The following KCNIP4 variants were observed in gnomAD, a reference collection of about 807,000 sequenced individuals.
KCNIP4 encodes the protein Kv channel-interacting protein 4.
A neutral mutation model predicts 34.0 loss-of-function variants in KCNIP4; 12 were observed. The ratio of observed to expected loss-of-function variants is 0.35; its 90% CI spans 0.23 to 0.57. The LOEUF is 0.57. Ranked by LOEUF, KCNIP4 falls within the 20% of genes least tolerant of loss-of-function variation. KCNIP4 has a pLI of 0.83. For synonymous variants in KCNIP4, 124 were observed against 102.2 expected (o/e 1.21, Z -1.29); for missense variants, 238 against 311.7 (o/e 0.76, Z 1.78).
intron 1 of KCNIP4, among the ~76,000 whole-genome samples, chr4:21,393,279 A>AT (rs1397684733): frequency 1.3e-5 from 2 of 151,978 alleles, no homozygotes; most frequent in Non-Finnish European, 2.9e-5. Flanking sequence ...TGGGTGTTGC[A>AT]TTTTTTTGCT....
At chr4:21,251,042 C>T (rs1760661858) in intron 1 of KCNIP4, among the ~76,000 whole-genome samples, 1 of 151,756 alleles carries the variant, frequency 6.6e-6, no homozygotes, top group Non-Finnish European at 1.5e-5. Context: ...TTCATGACAG[C>T]TTTTTTTAAA....
At chr4:21,224,774 A>C (rs2109007657) in intron 1 of KCNIP4, among the ~76,000 whole-genome samples, 1 of 151,456 alleles carries the variant, frequency 6.6e-6, no homozygotes, top group East Asian at 2.0e-4. Flanking sequence ...TTTAGTAGAG[A>C]CGGGGTTTCA....
intron 1 of KCNIP4, among the ~76,000 whole-genome samples, chr4:20,929,676 T>G (rs1301466727): frequency 6.6e-6 from 1 of 151,990 alleles, no homozygotes; most frequent in Non-Finnish European, 1.5e-5. Context: ...ATGAATTAAT[T>G]CAGTAAACTT....
At chr4:21,728,999 ATG>A (rs1715397176) in intron 1 of KCNIP4, among the ~76,000 whole-genome samples, 1 of 152,188 alleles carries the variant, frequency 6.6e-6, no homozygotes, top group Non-Finnish European at 1.5e-5. Context: ...GCATGCACAC[ATG>A]CACGCTTGTT....
At chr4:21,185,882 C>G (rs1755189300) in intron 1 of KCNIP4, among the ~76,000 whole-genome samples, 1 of 152,170 alleles carries the variant, frequency 6.6e-6, no homozygotes, top group Non-Finnish European at 1.5e-5. Context: ...TGCCTGGGCA[C>G]AAATTTTTCC....
At chr4:21,896,592 G>T (rs1390317680) in intron 1 of KCNIP4, among the ~76,000 whole-genome samples, 2 of 152,054 alleles carry the variant, frequency 1.3e-5, no homozygotes, top group African/African-American at 4.8e-5. Flanking sequence ...AATATTTTGG[G>T]CATGAGGCAT....
intron 1 of KCNIP4, among the ~76,000 whole-genome samples, chr4:21,479,898 G>A (rs886972900): frequency 6.6e-5 from 10 of 151,622 alleles, no homozygotes; most frequent in African/African-American, 1.9e-4. Context: ...TTTTAGGCAC[G>A]AGAATCATTT....
At chr4:21,662,389 A>T (rs1438326385) in intron 1 of KCNIP4, among the ~76,000 whole-genome samples, 1 of 152,242 alleles carries the variant, frequency 6.6e-6, no homozygotes, top group East Asian at 1.9e-4. Flanking sequence ...ACCAATACAT[A>T]TCACAGAATA....
Position 20,837,835 on chromosome 4 carries a change from C to T in KCNIP4, c.288+12708G>A, listed in dbSNP as rs559699640. 1.2e-4 allele frequency among the ~76,000 whole-genome samples: 17 copies of T among 147,362 alleles called. No individual in the cohort carries two copies. The South Asian group carries it at 2.7e-3, about 24-fold the overall frequency. On this transcript the variant is annotated intron_variant, in intron 3 of 8. Coordinates refer to ENST00000382152, the MANE Select transcript of KCNIP4 (RefSeq NM_025221.6). ...TAGCTGGGACTACAGGCATACATCA[C>T]TATGCCCAGCAAATTTTTTTTTTTT...
chr4:21,394,223 A>G (rs767919629), intron 1 of KCNIP4, among the ~76,000 whole-genome samples: 4 of 152,186 alleles, frequency 2.6e-5, no homozygotes, highest in Non-Finnish European at 5.9e-5. Flanking sequence ...TGTCTCTTTT[A>G]CTATATAAGA....
Position 21,589,912 on chromosome 4 carries a change from T to C in KCNIP4, c.61+358659A>G, listed in dbSNP as rs569389082. Among the ~76,000 whole-genome samples, 42 of 152,114 alleles carry C rather than the reference T, an allele frequency of 2.8e-4. 1 individual carries two copies. In the South Asian group the frequency reaches 7.7e-3, roughly 28 times the overall value. The stretch of plus-strand genomic sequence containing the variant: ...TAATGAATTGAATTTCATAAGATGC[T>C]AGAAAAGTAAGATGTTTTATAAGAT... On this transcript the variant is annotated intron_variant, in intron 1 of 8. Transcript: ENST00000382152.
chr4:21,429,153 T>G (rs1396218311), intron 1 of KCNIP4, among the ~76,000 whole-genome samples: 1 of 152,202 alleles, frequency 6.6e-6, no homozygotes, highest in Non-Finnish European at 1.5e-5. Context: ...CTCTCTACTC[T>G]TCCCTGGCAA....
In KCNIP4 at chr4:21,778,031, C is replaced by A. The variant is rs1485941869; in HGVS notation, c.61+170540G>T. Among the ~76,000 whole-genome samples the A allele has an allele frequency of 3.9e-5, 6 of 151,930 alleles. No homozygotes were observed. In the East Asian group the frequency reaches 1.2e-3, roughly 29 times the overall value. On this transcript the variant is annotated intron_variant, in intron 1 of 8. Transcript: ENST00000382152. ...TAAATAACTAAGTAAGGACATAATT[C>A]TTCAAGAACCAATATAGGACAACTT...
chr4:21,187,712 T>C (rs1295639475), intron 1 of KCNIP4, among the ~76,000 whole-genome samples: 4 of 152,118 alleles, frequency 2.6e-5, no homozygotes, highest in African/African-American at 7.2e-5. Context: ...CCTCATTTTT[T>C]TTTTCTGCAG....
intron 1 of KCNIP4, among the ~76,000 whole-genome samples, chr4:21,427,692 A>T (rs1273503189): frequency 1.3e-5 from 2 of 152,178 alleles, no homozygotes; most frequent in African/African-American, 4.8e-5. Context: ...TCTCAGAAAG[A>T]TGAATACAGT....
At chr4:20,765,297 A>G (rs1333385822) in intron 3 of KCNIP4, among the ~76,000 whole-genome samples, 8 of 152,136 alleles carry the variant, frequency 5.3e-5, no homozygotes, top group African/African-American at 1.7e-4. Context: ...GACTGAAAAC[A>G]TAGTCTCCTG....
At chr4:21,190,019 A>T (rs1755510101) in intron 1 of KCNIP4, among the ~76,000 whole-genome samples, 1 of 152,234 alleles carries the variant, frequency 6.6e-6, no homozygotes, top group South Asian at 2.1e-4. Context: ...GTGAAGAAAC[A>T]GGGTTTTTTT....
intron 1 of KCNIP4, among the ~76,000 whole-genome samples, chr4:21,208,999 A>G (rs1486597338): frequency 2.0e-5 from 3 of 152,134 alleles, no homozygotes; most frequent in Admixed American, 2.0e-4. Context: ...CCCATGTTCC[A>G]ATTACTTCCA....
At chr4:21,072,502 T>TA (rs902172018) in intron 1 of KCNIP4, among the ~76,000 whole-genome samples, 2 of 151,888 alleles carry the variant, frequency 1.3e-5, no homozygotes, top group Admixed American at 6.6e-5. Flanking sequence ...TTTTTTCTTG[T>TA]AAAAAAAATT....
Sources: gnomAD v4.1 joint callset for allele counts (sites outside exome capture counted in the v4.1 genomes callset) on GRCh38, gnomAD v4.1.1 for gene constraint, MANE v1.5 for transcripts, NCBI Gene and HGNC (gene_info 2026-07-23, HGNC 2026-07-21) for gene names.